DNAJB6: variants seen among roughly 807,000 people sequenced by gnomAD.
DNAJB6 encodes dnaJ homolog subfamily B member 6.
A neutral mutation model predicts 42.7 loss-of-function variants in DNAJB6; 16 were observed. That is an observed-to-expected ratio of 0.37 (90% CI 0.25 to 0.57). The LOEUF (loss-of-function observed/expected upper bound fraction) is 0.57. DNAJB6 is among the 20% of genes least tolerant of loss of function. The pLI, the probability that DNAJB6 is intolerant of heterozygous loss-of-function variation, is 0.74. For synonymous variants in DNAJB6, 170 were observed against 163.5 expected, an observed-to-expected ratio of 1.04 and a Z score of -0.30; for missense variants, 347 against 416.8, an observed-to-expected ratio of 0.83 and a Z score of 1.46.
intron 3 of DNAJB6, 71 bp from the exon 4 acceptor site, chr7:157,366,431 G>A: frequency 1.5e-6 from 2 of 1,366,476 alleles, no homozygotes; most frequent in South Asian, 1.2e-5. Context: ...TACAACTGGG[G>A]AAATACCTTA....
intron 8 of DNAJB6, among the ~76,000 whole-genome samples, chr7:157,398,119 C>T (rs1019391815): frequency 2.6e-5 from 4 of 152,196 alleles, no homozygotes; most frequent in African/African-American, 4.8e-5. Context: ...CAGGGCTGTT[C>T]GATGTGCCTT....
intron 8 of DNAJB6, among the ~76,000 whole-genome samples, chr7:157,397,538 T>C (rs960820827): frequency 1.3e-5 from 2 of 152,320 alleles, no homozygotes; most frequent in African/African-American, 4.8e-5. Flanking sequence ...CAGGAGACTT[T>C]CCTCCTCATT....
At chr7:157,408,789 T>G (rs532662536) in intron 8 of DNAJB6, among the ~76,000 whole-genome samples, 1 of 152,372 alleles carries the variant, frequency 6.6e-6, no homozygotes, top group Non-Finnish European at 1.5e-5. Context: ...TTTCAATGGC[T>G]GAGTGCTCCT....
At chr7:157,377,091 G>A (rs919608833) in intron 5 of DNAJB6, among the ~76,000 whole-genome samples, 6 of 152,186 alleles carry the variant, frequency 3.9e-5, no homozygotes. Flanking sequence ...GTCTCATAGT[G>A]GCTGCCCTTA....
chr7:157,408,421 C>T (rs1404014260), intron 8 of DNAJB6, among the ~76,000 whole-genome samples: 1 of 152,154 alleles, frequency 6.6e-6, no homozygotes, highest in East Asian at 1.9e-4. Flanking sequence ...CGTGCTGTGG[C>T]TTTAGGATTT....
At chr7:157,342,785 T>C (rs985197662) in intron 1 of DNAJB6, among the ~76,000 whole-genome samples, 2 of 152,106 alleles carry the variant, frequency 1.3e-5, no homozygotes, top group Non-Finnish European at 2.9e-5. Flanking sequence ...GGAGTTAAGC[T>C]TGGAAGTATC....
intron 8 of DNAJB6, among the ~76,000 whole-genome samples, chr7:157,402,513 G>A (rs1338713616): frequency 3.3e-5 from 5 of 152,330 alleles, no homozygotes; most frequent in African/African-American, 9.6e-5. Context: ...GTCTGGCGCC[G>A]TCATGCTATG....
At chr7:157,369,467 G>A in intron 5 of DNAJB6, 2 of 455,806 alleles carry the variant, frequency 4.4e-6, no homozygotes, top group Non-Finnish European at 4.4e-6. Flanking sequence ...CTCTTCTGGG[G>A]CACACGAGGT....
intron 1 of DNAJB6, among the ~76,000 whole-genome samples, chr7:157,357,377 C>T (rs920795397): frequency 5.4e-5 from 8 of 147,874 alleles, no homozygotes; most frequent in East Asian, 4.0e-4. Context: ...TCTGGTGGCA[C>T]GATGTCAGCT....
At chr7:157,346,689 G>C (rs1408649961) in intron 1 of DNAJB6, among the ~76,000 whole-genome samples, 1 of 152,152 alleles carries the variant, frequency 6.6e-6, no homozygotes, top group Admixed American at 6.6e-5. Context: ...ACCTTTCATG[G>C]AGTTTGTCAA....
chr7:157,417,263 A>G lies in DNAJB6; in HGVS notation c.*1165A>G, dbSNP rs1443485973. The G allele has an allele frequency of 1.3e-5, 2 of 152,224 alleles. No individual in the cohort carries two copies. The highest frequency in any genetic ancestry group is 1.3e-4 in the Admixed American group (2 of 15,284). 9.4% of individuals were successfully genotyped at this position (152,224 alleles called of 1,614,324 possible). A position where few individuals can be genotyped will look rare whatever the true frequency, so the allele number is the denominator to read the frequency against. ...AGTGACCCAGGCTTGGGAGCCAGAAACAAGTGTGACCTGGGATTTTATTTA... is the reference window on the plus strand; with the variant it reads ...AGTGACCCAGGCTTGGGAGCCAGAAGCAAGTGTGACCTGGGATTTTATTTA... On this transcript the variant is annotated 3_prime_UTR_variant, in exon 10 of 10. Transcript: ENST00000262177.
At chr7:157,403,787 C>T (rs188284015) in intron 8 of DNAJB6, among the ~76,000 whole-genome samples, 333 of 152,326 alleles carry the variant, frequency 2.2e-3, no homozygotes, top group Non-Finnish European at 3.6e-3. Context: ...CCAAAGAGAG[C>T]GGTTATACTT....
chr7:157,362,088 G>A (rs1027860357), intron 2 of DNAJB6, among the ~76,000 whole-genome samples: 15 of 152,104 alleles, frequency 9.9e-5, no homozygotes, highest in South Asian at 2.1e-4. Flanking sequence ...TTTAAATAGC[G>A]TGCAATTATT....
chr7:157,381,674 G>C (rs919745603), intron 5 of DNAJB6: 21 of 152,034 alleles, frequency 1.4e-4, no homozygotes, highest in African/African-American at 3.4e-4. Context: ...ATCAAACTTA[G>C]AATAAAAGGA....
intron 2 of DNAJB6, among the ~76,000 whole-genome samples, chr7:157,360,393 AC>A (rs1421945385): frequency 2.6e-5 from 4 of 152,204 alleles, no homozygotes; most frequent in Non-Finnish European, 5.9e-5. Context: ...TCTGGGAGTT[AC>A]AACTCAAGTT....
At chr7:157,365,032 G>T (rs1185383459) in intron 3 of DNAJB6, among the ~76,000 whole-genome samples, 1 of 152,120 alleles carries the variant, frequency 6.6e-6, no homozygotes, top group Non-Finnish European at 1.5e-5. Context: ...GTTCGCTGCA[G>T]TCTTGACCTC....
At chr7:157,405,139 CAT>C (rs1400312432) in intron 8 of DNAJB6, among the ~76,000 whole-genome samples, 1 of 152,226 alleles carries the variant, frequency 6.6e-6, no homozygotes, top group Non-Finnish European at 1.5e-5. Flanking sequence ...GGTCCTCCCA[CAT>C]GTGGGACGCG....
At chr7:157,364,581 G>A (rs1415299015) in intron 3 of DNAJB6, among the ~76,000 whole-genome samples, 1 of 152,120 alleles carries the variant, frequency 6.6e-6, no homozygotes, top group Admixed American at 6.5e-5. Flanking sequence ...AGATTTGTGC[G>A]CTGGGAGTGA....
chr7:157,342,333 A>ATTT (rs11329531), intron 1 of DNAJB6, among the ~76,000 whole-genome samples: 1,093 of 60,448 alleles, frequency 0.018, 123 homozygotes, highest in Non-Finnish European at 0.024. Context: ...ATCCTGGCTA[A>ATTT]TTTTTTTTTT....
Sources: allele counts gnomAD v4.1 joint callset (sites outside exome capture counted in the v4.1 genomes callset), GRCh38; gene constraint gnomAD v4.1.1; transcripts MANE v1.5; gene names NCBI Gene and HGNC (gene_info 2026-07-23, HGNC 2026-07-21).